The following ALMS1 variants were observed in gnomAD, a reference collection of about 807,000 sequenced individuals.
The protein encoded by ALMS1 is ALMS1 centrosome and basal body associated protein.
In ALMS1, 271 loss-of-function variants were observed where a neutral mutation model predicts 352.2. That is an observed-to-expected ratio of 0.77 (90% CI 0.70 to 0.85). The LOEUF (loss-of-function observed/expected upper bound fraction) is 0.85, where lower values mean the gene tolerates loss of function less well. Ranked by LOEUF, ALMS1 falls within the 40% of genes least tolerant of loss-of-function variation. The pLI, the probability that ALMS1 is intolerant of heterozygous loss-of-function variation, is 0.00. For missense variants in ALMS1, 5,445 were observed against 4,870.7 expected, an observed-to-expected ratio of 1.12 and a Z score of -3.51; for synonymous variants, 1,865 against 1,761.2, an observed-to-expected ratio of 1.06 and a Z score of -1.48.
At chr2:73,445,288 A>G (rs776185949) in intron 7 of ALMS1, among the ~76,000 whole-genome samples, 12 of 152,100 alleles carry the variant, frequency 7.9e-5, no homozygotes, top group Non-Finnish European at 1.5e-4. Flanking sequence ...ATGCGTTATA[A>G]ATAATTGTTG....
At chr2:73,527,112 A>T (rs981046083) in intron 11 of ALMS1, among the ~76,000 whole-genome samples, 2 of 152,136 alleles carry the variant, frequency 1.3e-5, no homozygotes, top group Admixed American at 6.5e-5. Context: ...CATCCCTGGG[A>T]TGAATACTTC....
At chr2:73,439,922 TG>T (rs1671682015) in intron 7 of ALMS1, among the ~76,000 whole-genome samples, 1 of 152,210 alleles carries the variant, frequency 6.6e-6, no homozygotes, top group African/African-American at 2.4e-5. Context: ...CTGTTTCTCT[TG>T]TCTTGCCTTA....
At chr2:73,595,713 G>A (rs1170909905) in intron 16 of ALMS1, among the ~76,000 whole-genome samples, 2 of 152,218 alleles carry the variant, frequency 1.3e-5, no homozygotes, top group African/African-American at 2.4e-5. Context: ...TTGCCTAAGT[G>A]TTTTCCAGAG....
At chr2:73,481,703 C>G (rs1672707893) in intron 9 of ALMS1, among the ~76,000 whole-genome samples, 2 of 151,044 alleles carry the variant, frequency 1.3e-5, no homozygotes, top group African/African-American at 4.9e-5. Flanking sequence ...TTCTTCCTAC[C>G]CATGAGCATG....
intron 10 of ALMS1, among the ~76,000 whole-genome samples, chr2:73,494,526 T>C (rs1673063441): frequency 6.6e-6 from 1 of 152,220 alleles, no homozygotes; most frequent in South Asian, 2.1e-4. Flanking sequence ...GATTCCGTCT[T>C]GCATTTTAGT....
Position 73,448,760 on chromosome 2 carries a change from G to A in ALMS1, c.2233G>A (p.Ala745Thr). 1 of 1,614,012 alleles carries A rather than the reference G, an allele frequency of 6.2e-7. No homozygotes were observed. The highest frequency in any genetic ancestry group is 8.5e-7 in the Non-Finnish European group (1 of 1,179,896). The change falls in exon 8 of 23, where the codon GCC becomes ACC. Residue 745 changes from alanine to threonine, a missense_variant. By Grantham distance (58) the Ala-to-Thr change is moderately conservative (BLOSUM62 0). Transcript: ENST00000613296. ...QTEETLTKVS[A>T]TPGPADQKTE... ...TGAAGAGACTCTTACTAAAGTTTCAGCCACTCCTGGACCAGCTGACCAGAA... is the reference window on the plus strand; with the variant it reads ...TGAAGAGACTCTTACTAAAGTTTCAACCACTCCTGGACCAGCTGACCAGAA...
intron 12 of ALMS1, among the ~76,000 whole-genome samples, chr2:73,538,044 A>G (rs964918494): frequency 6.6e-6 from 1 of 152,168 alleles, no homozygotes; most frequent in African/African-American, 2.4e-5. Context: ...CAACAAAAGA[A>G]AAATATATAT....
chr2:73,499,654 T>C (rs1673180791), intron 10 of ALMS1, among the ~76,000 whole-genome samples: 1 of 152,194 alleles, frequency 6.6e-6, no homozygotes, highest in South Asian at 2.1e-4. Flanking sequence ...AGCCTTGGTG[T>C]CTGTTCCCAT....
intron 21 of ALMS1, among the ~76,000 whole-genome samples, chr2:73,607,212 A>G (rs1388307958): frequency 6.6e-6 from 1 of 152,152 alleles, no homozygotes; most frequent in African/African-American, 2.4e-5. Flanking sequence ...GTCTTGCTTT[A>G]TTTTATTCAA....
In ALMS1 at chr2:73,449,847, A is replaced by G; in HGVS notation, c.3320A>G (p.Tyr1107Cys). The G allele has an allele frequency of 1.2e-6, 2 of 1,613,936 alleles. No individual in the cohort carries two copies. Among genetic ancestry groups the G allele is most frequent in the South Asian group, 1.1e-5 (1 of 91,078 alleles). ...CAAAGAGAGAAGCCTGGTATTTTCT[A>G]CCAACAGACCTTGCCAGAGAGTCAT... ...YSQREKPGIF[Y>C]QQTLPESHLP... Residue 1107 changes from tyrosine to cysteine, a missense_variant, in exon 8 of 23, where the codon TAC (tyrosine) becomes TGC (cysteine). Tyr to Cys is a radical substitution (Grantham distance 194, BLOSUM62 -2). Transcript: ENST00000613296.
chr2:73,404,744 TTGTC>T lies in ALMS1; in HGVS notation c.325-3875_325-3872del, dbSNP rs777603348. On this transcript the variant is annotated intron_variant, in intron 1 of 22. Transcript: ENST00000613296. Reference sequence around the variant, plus strand: ...ACTGGTTTATAGTCTTCTAATGTCTTTGTCTGACTTTGGTATCAGGATAATGCTG... The same window carrying T: ...ACTGGTTTATAGTCTTCTAATGTCTTTGACTTTGGTATCAGGATAATGCTG... 1.4e-4 allele frequency among the ~76,000 whole-genome samples: 22 copies of T among 152,116 alleles called. 1 individual carries two copies. Among genetic ancestry groups the T allele is most frequent in the Admixed American group, 9.2e-4 (14 of 15,274 alleles).
chr2:73,398,259 C>G (rs1398630713), intron 1 of ALMS1, among the ~76,000 whole-genome samples: 1 of 152,100 alleles, frequency 6.6e-6, no homozygotes. Context: ...CATTGTATTG[C>G]CTTCGTTTTT....
At chr2:73,457,306 A>ATGAT (rs2103802615) in intron 9 of ALMS1, 1 of 152,318 alleles carries the variant, frequency 6.6e-6, no homozygotes, top group Non-Finnish European at 1.5e-5. Context: ...ATCTTGGCTC[A>ATGAT]CTGCAACTTC....
At chr2:73,389,547 G>C (rs72809994) in intron 1 of ALMS1, among the ~76,000 whole-genome samples, 149 of 152,064 alleles carry the variant, frequency 9.8e-4, no homozygotes, top group Non-Finnish European at 1.7e-3. Context: ...ATAATTTCGG[G>C]CCTTACATTT....
At chr2:73,480,382 A>G (rs1672673072) in intron 9 of ALMS1, among the ~76,000 whole-genome samples, 1 of 152,154 alleles carries the variant, frequency 6.6e-6, no homozygotes, top group Admixed American at 6.5e-5. Flanking sequence ...AATTTCATCC[A>G]TGTCCCTACA....
chr2:73,386,882 T>G (rs1333401520), intron 1 of ALMS1, among the ~76,000 whole-genome samples: 2 of 152,166 alleles, frequency 1.3e-5, no homozygotes, highest in African/African-American at 4.8e-5. Context: ...TTACCCCCCT[T>G]TTTTTAACTT....
intron 16 of ALMS1, among the ~76,000 whole-genome samples, chr2:73,577,122 T>C (rs540930021): frequency 6.6e-6 from 1 of 152,354 alleles, no homozygotes; most frequent in Admixed American, 6.5e-5. Context: ...CTTTGTGATA[T>C]CTTTACTGCC....
At chr2:73,499,482 G>A (rs547219006) in intron 10 of ALMS1, among the ~76,000 whole-genome samples, 1 of 152,062 alleles carries the variant, frequency 6.6e-6, no homozygotes, top group Non-Finnish European at 1.5e-5. Context: ...TTCATGATTT[G>A]AGGTCTTAGG....
chr2:73,496,053 G>A (rs1157489906), intron 10 of ALMS1, among the ~76,000 whole-genome samples: 2 of 152,144 alleles, frequency 1.3e-5, no homozygotes, highest in Non-Finnish European at 2.9e-5. Context: ...ATGAGTACGT[G>A]ATTCATTTAT....
Sources: gnomAD v4.1 joint callset for allele counts (sites outside exome capture counted in the v4.1 genomes callset) on GRCh38, gnomAD v4.1.1 for gene constraint, MANE v1.5 for transcripts, NCBI Gene and HGNC (gene_info 2026-07-23, HGNC 2026-07-21) for gene names.